The following XYLB variants were observed in gnomAD, a reference collection of about 807,000 sequenced individuals.
XYLB encodes the protein xylulose kinase.
XYLB carries 62 observed loss-of-function variants against 78.7 expected under a neutral mutation model. That is an observed-to-expected ratio of 0.79 (90% CI 0.64 to 0.97). XYLB has a LOEUF of 0.97. Among genes scored for constraint, XYLB ranks in the 50% least tolerant of loss-of-function variants. XYLB has a pLI of 0.00. For missense variants in XYLB, 687 were observed against 676.8 expected (o/e 1.02, Z -0.17); for synonymous variants, 245 against 247.4 (o/e 0.99, Z 0.09).
At chr3:38,400,419 C>T (rs1708073770) in intron 17 of XYLB, among the ~76,000 whole-genome samples, 1 of 152,122 alleles carries the variant, frequency 6.6e-6, no homozygotes, top group South Asian at 2.1e-4. Context: ...TGCATCTTAG[C>T]TGAGGAGAAG....
intron 4 of XYLB, among the ~76,000 whole-genome samples, chr3:38,364,987 A>G (rs704941): frequency 0.61 from 92,144 of 152,136 alleles, 30,924 homozygotes; most frequent in Non-Finnish European, 0.75. Context: ...GACCTTTTCT[A>G]TAAGTTGTAG....
At chr3:38,382,769 G>A (rs1030879813) in intron 15 of XYLB, among the ~76,000 whole-genome samples, 2 of 152,204 alleles carry the variant, frequency 1.3e-5, no homozygotes, top group African/African-American at 4.8e-5. Context: ...AGGCCCCCAT[G>A]GGCTCAGGAG....
chr3:38,439,547 G>T, the XYLB span, among the ~76,000 whole-genome samples: 1 of 152,298 alleles, frequency 6.6e-6, no homozygotes. Context: ...CAGATCACAA[G>T]GTCAGGAGAT....
intron 5 of XYLB, 130 bp from the exon 6 acceptor site, chr3:38,365,478 T>G: frequency 2.0e-6 from 3 of 1,486,334 alleles, no homozygotes; most frequent in Non-Finnish European, 2.7e-6. Flanking sequence ...CTGGCCCATG[T>G]GTCTCCAACC....
intron 12 of XYLB, among the ~76,000 whole-genome samples, chr3:38,375,580 A>G (rs1416011673): frequency 1.3e-5 from 2 of 152,106 alleles, no homozygotes; most frequent in Non-Finnish European, 1.5e-5. Context: ...TGGGGAGGGT[A>G]AGAGCATTTA....
At chr3:38,422,149 A>T (rs1393293764), downstream of XYLB, among the ~76,000 whole-genome samples, 1 of 152,246 alleles carries the variant, frequency 6.6e-6, no homozygotes, top group Non-Finnish European at 1.5e-5. Flanking sequence ...GTCTCCAGTC[A>T]GATGATGCCA....
the XYLB span, among the ~76,000 whole-genome samples, chr3:38,432,306 C>T: frequency 2.4e-4 from 36 of 152,344 alleles, no homozygotes; most frequent in African/African-American, 3.4e-4. Flanking sequence ...CAGTGGCTCA[C>T]GCCGGTAATC....
At chr3:38,403,232 T>G (rs1708185799) in intron 18 of XYLB, among the ~76,000 whole-genome samples, 1 of 150,082 alleles carries the variant, frequency 6.7e-6, no homozygotes, top group African/African-American at 2.5e-5. Flanking sequence ...AGGTGGAGGT[T>G]GCAGTAAGCC....
intron 9 of XYLB, 179 bp from the exon 10 acceptor site, chr3:38,372,476 C>T (rs555296010): frequency 1.0e-6 from 1 of 985,362 alleles, no homozygotes; most frequent in African/African-American, 1.7e-5. Context: ...GATTTGTGAA[C>T]AGGAGGGACA....
intron 18 of XYLB, among the ~76,000 whole-genome samples, chr3:38,401,668 C>T (rs1295020972): frequency 6.6e-6 from 1 of 152,190 alleles, no homozygotes; most frequent in Non-Finnish European, 1.5e-5. Flanking sequence ...TCAGTCATCA[C>T]ATGTGGGCCA....
chr3:38,375,230 T>C lies in XYLB; in HGVS notation c.975T>C (p.Val325=). The C allele has an allele frequency of 6.2e-7, 1 of 1,614,222 alleles. No individual in the cohort carries two copies. Among genetic ancestry groups the C allele is most frequent in the Non-Finnish European group, 8.5e-7 (1 of 1,180,036 alleles). ...ALEGHIFCNP[V]DSQHYMALLC... Reference sequence around the variant, plus strand: ...AAGGCCACATCTTCTGCAACCCGGTTGACTCCCAGCACTACATGGCACTCC... The same window carrying C: ...AAGGCCACATCTTCTGCAACCCGGTCGACTCCCAGCACTACATGGCACTCC... The change falls in exon 12 of 19, where the codon GTT becomes GTC. Residue 325 remains valine, a synonymous_variant. Coordinates refer to ENST00000207870, the MANE Select transcript of XYLB (RefSeq NM_005108.4).
intron 11 of XYLB, among the ~76,000 whole-genome samples, chr3:38,374,780 G>T (rs749884020): frequency 6.6e-6 from 1 of 152,202 alleles, no homozygotes; most frequent in African/African-American, 2.4e-5. Flanking sequence ...TGCAGTGGCA[G>T]AGGGTCAGAT....
At chr3:38,427,588 GCTTTT>G in the XYLB span, among the ~76,000 whole-genome samples, 2 of 151,656 alleles carry the variant, frequency 1.3e-5, no homozygotes, top group African/African-American at 2.4e-5. Flanking sequence ...GCTTTTCCTA[GCTTTT>G]CTTTTCTTTT....
chr3:38,361,042 A>G (rs1297377985), intron 3 of XYLB, among the ~76,000 whole-genome samples: 2 of 152,204 alleles, frequency 1.3e-5, no homozygotes, highest in Non-Finnish European at 2.9e-5. Context: ...TCTCAAAAAA[A>G]AAGAAAAAAA....
the XYLB span, among the ~76,000 whole-genome samples, chr3:38,441,782 G>A: frequency 2.0e-5 from 3 of 152,208 alleles, no homozygotes; most frequent in Non-Finnish European, 4.4e-5. Context: ...AGTGAGGCCA[G>A]CTTCTTGCTA....
chr3:38,360,883 A>C (rs1705931392), intron 3 of XYLB, among the ~76,000 whole-genome samples: 1 of 152,058 alleles, frequency 6.6e-6, no homozygotes, highest in East Asian at 1.9e-4. Context: ...AAAATACAAA[A>C]AATTAGCCGG....
At chr3:38,441,641 T>G in the XYLB span, among the ~76,000 whole-genome samples, 1 of 151,802 alleles carries the variant, frequency 6.6e-6, no homozygotes, top group Non-Finnish European at 1.5e-5. Context: ...GGTTGTCTGA[T>G]AGCCATAAAC....
At chr3:38,383,286 C>G (rs553625023) in intron 15 of XYLB, among the ~76,000 whole-genome samples, 24 of 152,286 alleles carry the variant, frequency 1.6e-4, no homozygotes, top group African/African-American at 5.8e-4. Flanking sequence ...CAGTCTGGCT[C>G]CAGATGCTGG....
At chr3:38,357,633 G>T (rs957958993) in intron 2 of XYLB, among the ~76,000 whole-genome samples, 2 of 152,122 alleles carry the variant, frequency 1.3e-5, no homozygotes, top group African/African-American at 4.8e-5. Context: ...TGATCCGCCC[G>T]CCTCGGCCTC....
Sources: allele counts gnomAD v4.1 joint callset (sites outside exome capture counted in the v4.1 genomes callset), GRCh38; gene constraint gnomAD v4.1.1; transcripts MANE v1.5; gene names NCBI Gene and HGNC (gene_info 2026-07-23, HGNC 2026-07-21).